Variants in SYN2 observed in about 807,000 individuals in gnomAD.
SYN2 encodes the protein synapsin-2.
Under a neutral mutation model 50.9 loss-of-function variants are expected in SYN2, and 19 were observed. The ratio of observed to expected loss-of-function variants is 0.37; its 90% CI spans 0.26 to 0.55. SYN2 has a LOEUF of 0.55. Among genes scored for constraint, SYN2 ranks in the 20% least tolerant of loss-of-function variants. The pLI is 0.81. For synonymous variants in SYN2, 255 were observed against 224.9 expected (o/e 1.13, Z -1.20); for missense variants, 587 against 576.4 (o/e 1.02, Z -0.19).
At chr3:12,119,649 C>T (rs982320434) in intron 1 of SYN2, among the ~76,000 whole-genome samples, 1 of 152,178 alleles carries the variant, frequency 6.6e-6, no homozygotes, top group Non-Finnish European at 1.5e-5. Flanking sequence ...TAGCCATATT[C>T]CATAATTCTT....
intron 1 of SYN2, 107 bp from the exon 2 acceptor site, chr3:12,140,544 C>G: frequency 1.4e-6 from 1 of 711,798 alleles, no homozygotes; most frequent in East Asian, 2.7e-5. Context: ...TCTCTTGACC[C>G]TCATTCTGGA....
chr3:12,157,545 G>A (rs1697494506), intron 5 of SYN2: 7 of 1,501,798 alleles, frequency 4.7e-6, no homozygotes, highest in Non-Finnish European at 9.2e-7. Flanking sequence ...CCTGAGGTCT[G>A]GATGATCCAG....
intron 1 of SYN2, among the ~76,000 whole-genome samples, chr3:12,078,982 AGCCGT>A (rs1332507864): frequency 6.6e-5 from 10 of 152,168 alleles, no homozygotes; most frequent in African/African-American, 2.4e-4. Context: ...GATTTTCTTG[AGCCGT>A]GGTTTGTAGT....
intron 1 of SYN2, among the ~76,000 whole-genome samples, chr3:12,074,274 C>A (rs1695424187): frequency 6.6e-6 from 1 of 152,086 alleles, no homozygotes; most frequent in African/African-American, 2.4e-5. Flanking sequence ...CAAAATCAAT[C>A]TGACAGTATT....
At chr3:12,139,514 G>A (rs1480397144) in intron 1 of SYN2, among the ~76,000 whole-genome samples, 9 of 152,174 alleles carry the variant, frequency 5.9e-5, no homozygotes, top group African/African-American at 2.2e-4. Context: ...TTGCTATAGG[G>A]CCTTGAATAC....
At chr3:12,090,887 C>A (rs1695810910) in intron 1 of SYN2, among the ~76,000 whole-genome samples, 1 of 152,062 alleles carries the variant, frequency 6.6e-6, no homozygotes. Flanking sequence ...AAATGGTTTG[C>A]TTTGAGTGAT....
chr3:12,140,586 T>C, intron 1 of SYN2, 65 bp from the exon 2 acceptor site: 3 of 719,314 alleles, frequency 4.2e-6, no homozygotes, highest in Non-Finnish European at 7.8e-6. Context: ...TTCTTTGTAA[T>C]AGTAAATGTC....
Position 12,190,620 on chromosome 3 carries a change from G to C in SYN2, c.1744G>C (p.Asp582His). 1 of 1,612,540 alleles carries C rather than the reference G, an allele frequency of 6.2e-7. No individual in the cohort carries two copies. The highest frequency in any genetic ancestry group is 1.1e-5 in the South Asian group (1 of 90,864). ...GAAGTCCTTTGCCAGCCTCTTTTCA[G>C]ATTAGCTCTTCAGACACACGGGGCA... The part of the protein sequence containing the change: ...LRKSFASLFS[D>H] Residue 582 changes from aspartate to histidine, a missense_variant, in exon 13 of 13, where the codon GAT becomes CAT. Physicochemically the swap from Asp to His is moderately conservative, Grantham distance 81 (BLOSUM62 -1). Coordinates refer to ENST00000621198, the MANE Select transcript of SYN2 (RefSeq NM_133625.6).
intron 1 of SYN2, among the ~76,000 whole-genome samples, chr3:12,123,510 T>C (rs1696604803): frequency 6.6e-6 from 1 of 152,206 alleles, no homozygotes; most frequent in South Asian, 2.1e-4. Flanking sequence ...GGCATGCCAC[T>C]GTAGTCTTAG....
At chr3:12,087,904 A>G (rs1695741351) in intron 1 of SYN2, among the ~76,000 whole-genome samples, 1 of 151,462 alleles carries the variant, frequency 6.6e-6, no homozygotes, top group South Asian at 2.1e-4. Context: ...TTGGACCTTT[A>G]TCTCACATCA....
rs138584999 is a variant in SYN2, at chr3:12,111,549, C to T, written c.378-29102C>T. 3.3e-5 allele frequency among the ~76,000 whole-genome samples: 5 copies of T among 152,316 alleles called. No homozygotes were observed. The East Asian group carries it at 7.7e-4, about 24-fold the overall frequency. On this transcript the variant is annotated intron_variant, in intron 1 of 12. Transcript: ENST00000621198. ...CAGGTCCTTCGGCAACCCTAAAGAA[C>T]TAGAAATTCCTAAGCACTCCTATTT...
chr3:12,035,213 C>T (rs1041831545), intron 1 of SYN2, among the ~76,000 whole-genome samples: 1 of 152,190 alleles, frequency 6.6e-6, no homozygotes, highest in Non-Finnish European at 1.5e-5. Context: ...ATCTTCGGGT[C>T]ACTCTGGGTC....
At position 12,181,543 on chromosome 3, in the gene SYN2, C is replaced by T. The variant is rs1316509081; in HGVS notation, c.1309-1769C>T. Among the ~76,000 whole-genome samples the T allele has an allele frequency of 2.6e-5, 4 of 152,302 alleles. No individual in the cohort carries two copies. In the East Asian group the frequency reaches 5.8e-4, roughly 22 times the overall value. On this transcript the variant is annotated intron_variant, in intron 10 of 12. Coordinates refer to ENST00000621198, the MANE Select transcript of SYN2 (RefSeq NM_133625.6). ...AAGCAACCAGGAGTGCTGATGATAC[C>T]TCATACGGTACTGTGAGGTACAGGG...
At chr3:12,111,517 T>C (rs1696316302) in intron 1 of SYN2, among the ~76,000 whole-genome samples, 2 of 152,216 alleles carry the variant, frequency 1.3e-5, no homozygotes, top group Non-Finnish European at 2.9e-5. Flanking sequence ...CCTATTCAGA[T>C]CCTTTTCAGG....
At chr3:12,024,937 C>G (rs1694222124) in intron 1 of SYN2, among the ~76,000 whole-genome samples, 1 of 152,224 alleles carries the variant, frequency 6.6e-6, no homozygotes, top group Non-Finnish European at 1.5e-5. Context: ...TGTGTCTTGT[C>G]AGCTCAGGCT....
intron 1 of SYN2, among the ~76,000 whole-genome samples, chr3:12,130,408 A>G (rs754897815): frequency 6.6e-6 from 1 of 152,128 alleles, no homozygotes; most frequent in Non-Finnish European, 1.5e-5. Context: ...TATAAGTTTC[A>G]ATCTGAGTCC....
rs145806770 is a variant in SYN2 at position 12,058,201 on chromosome 3, G to C, written c.377+53273G>C. 2.1e-3 allele frequency among the ~76,000 whole-genome samples: 316 copies of C among 152,242 alleles called. 2 individuals carry two copies. Among genetic ancestry groups the C allele is most frequent in the African/African-American group, 7.3e-3 (304 of 41,556 alleles). On this transcript the variant is annotated intron_variant, in intron 1 of 12. Coordinates refer to ENST00000621198, the MANE Select transcript of SYN2 (RefSeq NM_133625.6). ...CATGTTTTTGAAACAATAGATTTCT[G>C]ATGTAAGTTGATTATCTTAACAGTT...
chr3:12,037,484 A>G (rs558573322), intron 1 of SYN2, among the ~76,000 whole-genome samples: 1 of 152,334 alleles, frequency 6.6e-6, no homozygotes, highest in South Asian at 2.1e-4. Flanking sequence ...GTCCAAGATC[A>G]AGGGGCTGTA....
Position 12,035,063 on chromosome 3 carries a change from T to A in SYN2, c.377+30135T>A, listed in dbSNP as rs546659416. The stretch of plus-strand genomic sequence containing the variant: ...CCAAAATATAATGGTGGGACAGGCA[T>A]AGGATAGACGTTCCTATTACAAAAG... On this transcript the variant is annotated intron_variant, in intron 1 of 12. Transcript: ENST00000621198. Among the ~76,000 whole-genome samples, 4 of 152,300 alleles carry A rather than the reference T, an allele frequency of 2.6e-5. No homozygotes were observed. The South Asian group carries it at 8.3e-4, about 32-fold the overall frequency.
Sources: allele counts gnomAD v4.1 joint callset (sites outside exome capture counted in the v4.1 genomes callset), GRCh38; gene constraint gnomAD v4.1.1; transcripts MANE v1.5; gene names NCBI Gene and HGNC (gene_info 2026-07-23, HGNC 2026-07-21).